Variants in PTPN21 observed in about 807,000 individuals in gnomAD.
The protein encoded by PTPN21 is protein tyrosine phosphatase non-receptor type 21.
In PTPN21, 77 loss-of-function variants were observed where a neutral mutation model predicts 131.8. That is an observed-to-expected ratio of 0.58 (90% CI 0.49 to 0.71). The LOEUF (loss-of-function observed/expected upper bound fraction) is 0.71, where lower values mean the gene tolerates loss of function less well. PTPN21 is among the 30% of genes least tolerant of loss of function. PTPN21 has a pLI of 0.00. For synonymous variants in PTPN21, 715 were observed against 621.3 expected (o/e 1.15, Z -2.24); for missense variants, 1,552 against 1,527.1 (o/e 1.02, Z -0.27).
intron 8 of PTPN21, among the ~76,000 whole-genome samples, chr14:88,499,955 C>T (rs879383430): frequency 8.5e-5 from 13 of 152,140 alleles, no homozygotes; most frequent in Admixed American, 5.9e-4. Flanking sequence ...TTACTATTAG[C>T]ACATCGCTAT....
At chr14:88,534,874 C>A (rs1208146756) in intron 2 of PTPN21, among the ~76,000 whole-genome samples, 1 of 152,060 alleles carries the variant, frequency 6.6e-6, no homozygotes. Context: ...GAGACTCTGT[C>A]TTAAAAAATT....
At chr14:88,550,950 T>A (rs1183606079) in intron 1 of PTPN21, among the ~76,000 whole-genome samples, 1 of 152,200 alleles carries the variant, frequency 6.6e-6, no homozygotes, top group Non-Finnish European at 1.5e-5. Flanking sequence ...GTGTTGTTTT[T>A]TCATAGGTAA....
chr14:88,517,442 C>CT (rs1207339940), intron 2 of PTPN21, among the ~76,000 whole-genome samples, 181 bp from the exon 3 acceptor site: 2 of 152,006 alleles, frequency 1.3e-5, no homozygotes, highest in African/African-American at 4.8e-5. Flanking sequence ...CTGTAACTAG[C>CT]TACTCATATT....
At chr14:88,478,044 A>G (rs1255030306) in intron 13 of PTPN21, among the ~76,000 whole-genome samples, 2 of 152,232 alleles carry the variant, frequency 1.3e-5, no homozygotes, top group Non-Finnish European at 2.9e-5. Context: ...CTCACTAGTC[A>G]TGTGACCTTG....
chr14:88,506,978 G>A lies in PTPN21; in HGVS notation c.448+945C>T, dbSNP rs565383837. Among the ~76,000 whole-genome samples the A allele has an allele frequency of 1.8e-4, 28 of 151,896 alleles. No individual in the cohort carries two copies. The South Asian group carries it at 1.9e-3, about 10-fold the overall frequency. ...GGAGAATCGCTTGAACCCAGGAGGC[G>A]GAGGAGGTTGCAGTGAGCCGAGATC... On this transcript the variant is annotated intron_variant, in intron 4 of 18. Coordinates refer to ENST00000556564, the MANE Select transcript of PTPN21 (RefSeq NM_007039.4).
chr14:88,467,295 C>A lies in PTPN21; in HGVS notation c.*842G>T, dbSNP rs942099588. 6.6e-6 allele frequency: 1 copy of A among 152,106 alleles called. No individual in the cohort carries two copies. Among genetic ancestry groups the A allele is most frequent in the Non-Finnish European group, 1.5e-5 (1 of 68,020 alleles). 9.4% of individuals were successfully genotyped at this position (152,106 alleles called of 1,614,324 possible). On this transcript the variant is annotated 3_prime_UTR_variant, in exon 19 of 19. Transcript: ENST00000556564. Reference sequence around the variant, plus strand: ...TTTTTAACAAAAAAGTGCTTAAAACCACCCTAGGCAATTGTTTTTCACTTC... The same window carrying A: ...TTTTTAACAAAAAAGTGCTTAAAACAACCCTAGGCAATTGTTTTTCACTTC...
chr14:88,535,236 T>C (rs552033777), intron 2 of PTPN21, among the ~76,000 whole-genome samples: 13 of 152,294 alleles, frequency 8.5e-5, no homozygotes, highest in South Asian at 4.1e-4. Context: ...AGGTGTGCAG[T>C]AGGCTATACC....
rs542071927 is a variant in PTPN21, at chr14:88,517,176, T to C, written c.266A>G (p.Asp89Gly). ...DLEKPLKKQL[D>G]KYALEPTVYF... is the part of the protein sequence containing the mutation. ...GACGGTAGGTTCCAATGCATATTTA[T>C]CCAGCTGCTTCTTCAAAGGTTTTTC... is the stretch of plus-strand genomic sequence containing the variant. The change falls in exon 3 of 19, where the codon GAT becomes GGT. Residue 89 changes from aspartate to glycine, a missense_variant. By Grantham distance (94) the Asp-to-Gly change is moderately conservative. Around this residue, in one of 4 missense-constraint regions of PTPN21, gnomAD observed 206 missense variants for 221.6 expected, o/e 0.93. Coordinates refer to ENST00000556564, the MANE Select transcript of PTPN21 (RefSeq NM_007039.4). The C allele has an allele frequency of 4.3e-6, 7 of 1,614,154 alleles. No individual in the cohort carries two copies. In the African/African-American group the frequency reaches 6.7e-5, roughly 15 times the overall value.
intron 2 of PTPN21, among the ~76,000 whole-genome samples, chr14:88,545,298 A>C (rs868634636): frequency 1.2e-4 from 18 of 152,186 alleles, no homozygotes. Context: ...CTTACTGCTT[A>C]TAAATTACTA....
chr14:88,499,024 A>T (rs1472807037), intron 8 of PTPN21, among the ~76,000 whole-genome samples: 2 of 152,196 alleles, frequency 1.3e-5, no homozygotes, highest in Non-Finnish European at 2.9e-5. Context: ...TCCAGTGATA[A>T]AGGAAGCCAG....
intron 2 of PTPN21, among the ~76,000 whole-genome samples, chr14:88,534,460 T>C (rs767702850): frequency 2.0e-5 from 3 of 152,016 alleles, no homozygotes; most frequent in African/African-American, 7.2e-5. Flanking sequence ...GGTAAGGATA[T>C]AGATATTTTT....
rs549916356 is a variant in PTPN21 at position 88,479,739 on chromosome 14, C to T, written c.1692G>A (p.Arg564=). The change falls in exon 13 of 19, where the codon CGG becomes CGA. Residue 564 remains arginine, a synonymous_variant. Transcript: ENST00000556564. ...SPNIMRTQVY[R]PPPPYPPPRP... The stretch of plus-strand genomic sequence containing the variant: ...TGGGGGGCGGGTAGGGTGGGGGTGG[C>T]CGGTACACCTGCGTCCGCATGATGT... The T allele has an allele frequency of 6.1e-5, 93 of 1,532,870 alleles. No individual in the cohort carries two copies. The African/African-American group carries it at 9.0e-4, about 15-fold the overall frequency. 95.0% of individuals were successfully genotyped at this position (1,532,870 alleles called of 1,614,324 possible).
intron 2 of PTPN21, among the ~76,000 whole-genome samples, chr14:88,546,368 G>A (rs929111357): frequency 6.7e-6 from 1 of 149,834 alleles, no homozygotes; most frequent in Non-Finnish European, 1.5e-5. Context: ...GACCAGCCTG[G>A]CCAACATGAT....
In PTPN21 at chr14:88,485,154, G is replaced by T. The variant is rs745672497; in HGVS notation, c.1000C>A (p.Pro334Thr). ...RSSSRMSLPK[P>T]QPYVMPPPPQ... The stretch of plus-strand genomic sequence containing the variant: ...GGGGGAGGCATCACGTAGGGCTGGG[G>T]TTTAGGCTAAGAAATGGAGAGTTTG... The change falls in exon 12 of 19, where the codon CCC becomes ACC. Residue 334 changes from proline (P) to threonine (T), a missense_variant. Coordinates refer to ENST00000556564, the MANE Select transcript of PTPN21 (RefSeq NM_007039.4). 6.3e-7 allele frequency: 1 copy of T among 1,587,170 alleles called. No homozygotes were observed. Among genetic ancestry groups the T allele is most frequent in the Admixed American group, 1.7e-5 (1 of 58,290 alleles).
chr14:88,538,013 T>C (rs1357748295), intron 2 of PTPN21, among the ~76,000 whole-genome samples: 1 of 152,204 alleles, frequency 6.6e-6, no homozygotes, highest in African/African-American at 2.4e-5. Flanking sequence ...CAGTCTGTCA[T>C]TGACCAAAAA....
intron 2 of PTPN21, among the ~76,000 whole-genome samples, chr14:88,528,097 G>C (rs1041753589): frequency 6.6e-6 from 1 of 152,068 alleles, no homozygotes; most frequent in East Asian, 1.9e-4. Context: ...CTCCAGATTT[G>C]TTCTTTCTAC....
At chr14:88,537,021 T>C (rs1438217659) in intron 2 of PTPN21, among the ~76,000 whole-genome samples, 1 of 152,170 alleles carries the variant, frequency 6.6e-6, no homozygotes, top group African/African-American at 2.4e-5. Context: ...AGGCAGCATT[T>C]TTTCCTTTTC....
At chr14:88,528,314 A>G (rs985335889) in intron 2 of PTPN21, among the ~76,000 whole-genome samples, 2 of 152,114 alleles carry the variant, frequency 1.3e-5, no homozygotes, top group African/African-American at 4.8e-5. Flanking sequence ...TCTGTTATCT[A>G]TGATTTCTTT....
chr14:88,502,390 C>A (rs1020058770), intron 6 of PTPN21, among the ~76,000 whole-genome samples: 5 of 152,142 alleles, frequency 3.3e-5, no homozygotes, highest in African/African-American at 1.2e-4. Flanking sequence ...TCTGGATCAC[C>A]TTCTGGGATT....
Sources: allele counts gnomAD v4.1 joint callset (sites outside exome capture counted in the v4.1 genomes callset), GRCh38; gene constraint gnomAD v4.1.1; regional missense constraint gnomAD v4.1.1; transcripts MANE v1.5; gene names NCBI Gene and HGNC (gene_info 2026-07-23, HGNC 2026-07-21).